The following PALM variants were observed in gnomAD, a reference collection of about 807,000 sequenced individuals.
PALM encodes the protein paralemmin.
A neutral mutation model predicts 30.7 loss-of-function variants in PALM; 18 were observed. The ratio of observed to expected loss-of-function variants is 0.59; its 90% CI spans 0.41 to 0.87. The LOEUF (loss-of-function observed/expected upper bound fraction) is 0.87. Ranked by LOEUF, PALM falls within the 40% of genes least tolerant of loss-of-function variation. The pLI, the probability that PALM is intolerant of heterozygous loss-of-function variation, is 0.00. For synonymous variants in PALM, 286 were observed against 242.8 expected (o/e 1.18, Z -1.66); for missense variants, 529 against 555.4 (o/e 0.95, Z 0.48).
intron 4 of PALM, among the ~76,000 whole-genome samples, chr19:728,388 A>G (rs539573301): frequency 6.6e-6 from 1 of 152,210 alleles, no homozygotes; most frequent in African/African-American, 2.4e-5. Flanking sequence ...CGGACCTCGC[A>G]GGCCCTTCCC....
At chr19:711,234 C>A (rs2032070170) in intron 1 of PALM, 2 of 971,164 alleles carry the variant, frequency 2.1e-6, no homozygotes, top group Non-Finnish European at 2.4e-6. Context: ...TGGGGAGAAT[C>A]TCTGCTTCGG....
At chr19:713,351 AC>A (rs1345857985) in intron 1 of PALM, among the ~76,000 whole-genome samples, 5 of 147,670 alleles carry the variant, frequency 3.4e-5, no homozygotes, top group Admixed American at 3.4e-4. Flanking sequence ...GGGGGTCCTG[AC>A]TCCCCGTCAC....
chr19:746,700 T>C lies in PALM; in HGVS notation c.1050T>C (p.Pro350=). Residue 350 remains proline, a synonymous_variant, in exon 9 of 9, where the codon CCT becomes CCC. Transcript: ENST00000338448. This position sits in a 1 kb window ranked among gnomAD's most constrained non-coding sequence, Gnocchi z 7.1. ...PAPPNGSAAE[P]PTEAASREEN... ...CACCCAACGGCAGTGCTGCCGAGCC[T>C]CCCACGGAGGCCGCCTCCAGGGAAG... 1 of 1,609,044 alleles carries C rather than the reference T, an allele frequency of 6.2e-7. No individual in the cohort carries two copies. The highest frequency in any genetic ancestry group is 8.5e-7 in the Non-Finnish European group (1 of 1,178,426).
intron 8 of PALM, among the ~76,000 whole-genome samples, chr19:741,665 G>A (rs970834621): frequency 1.3e-5 from 2 of 152,016 alleles, no homozygotes; most frequent in African/African-American, 4.8e-5. Flanking sequence ...AGGCGGGGCC[G>A]TGTCCTGAGG....
chr19:726,957 GTC>G, intron 2 of PALM, 49 bp from the exon 3 acceptor site: 2 of 1,109,142 alleles, frequency 1.8e-6, no homozygotes, highest in Admixed American at 2.1e-5. Context: ...GGGTGGGGGG[GTC>G]TCCGGGACCC....
chr19:736,208 T>G, intron 7 of PALM, 130 bp downstream of exon 7: 1 of 657,764 alleles, frequency 1.5e-6, no homozygotes, highest in Non-Finnish European at 2.5e-6. Context: ...GCCGTGGTTA[T>G]GGGGGTGGCA....
chr19:726,500 G>C (rs2032666156), intron 2 of PALM, among the ~76,000 whole-genome samples: 1 of 152,094 alleles, frequency 6.6e-6, no homozygotes, highest in Non-Finnish European at 1.5e-5. Context: ...GATGTGCTTT[G>C]GTGCCATCTT....
chr19:715,802 G>A (rs2032236800), intron 1 of PALM, among the ~76,000 whole-genome samples: 1 of 152,180 alleles, frequency 6.6e-6, no homozygotes, highest in Admixed American at 6.6e-5. Context: ...AGAGCCAGAG[G>A]GGGCAGGACC....
At chr19:736,722 C>G (rs1194270081) in intron 7 of PALM, among the ~76,000 whole-genome samples, 1 of 152,204 alleles carries the variant, frequency 6.6e-6, no homozygotes, top group Non-Finnish European at 1.5e-5. Flanking sequence ...GTGGGCAAAA[C>G]CACTGCTATG....
intron 5 of PALM, 61 bp from the exon 6 acceptor site, chr19:734,112 G>T (rs2032949961): frequency 1.3e-6 from 2 of 1,564,556 alleles, no homozygotes; most frequent in South Asian, 2.2e-5. Context: ...TGACCCCATG[G>T]CTCCCCTTCC....
intron 7 of PALM, 58 bp downstream of exon 7, chr19:736,136 C>A: frequency 1.6e-6 from 1 of 640,304 alleles, no homozygotes; most frequent in Non-Finnish European, 2.7e-6. Flanking sequence ...GACCAAGTCT[C>A]GGTCCGGGGG....
intron 4 of PALM, among the ~76,000 whole-genome samples, chr19:728,433 C>T (rs561884339): frequency 6.6e-6 from 1 of 152,348 alleles, no homozygotes; most frequent in Admixed American, 6.5e-5. Context: ...GGGCCCCTCC[C>T]TGCCCAGTTC....
intron 4 of PALM, among the ~76,000 whole-genome samples, chr19:729,742 G>A (rs1159536214): frequency 6.6e-6 from 1 of 152,030 alleles, no homozygotes; most frequent in Non-Finnish European, 1.5e-5. Context: ...GATTACAGGT[G>A]TGAGCCACTG....
At chr19:740,326 G>A in intron 7 of PALM, 26 bp from the exon 8 acceptor site, 1 of 1,547,676 alleles carries the variant, frequency 6.5e-7, no homozygotes, top group Non-Finnish European at 8.7e-7. Context: ...GCAGGCCGTG[G>A]TGTAACCCCG....
Position 747,017 on chromosome 19 carries a change from C to T in PALM, c.*203C>T, listed in dbSNP as rs1261866000. On this transcript the variant is annotated 3_prime_UTR_variant, in exon 9 of 9. Coordinates refer to ENST00000338448, the MANE Select transcript of PALM (RefSeq NM_002579.3). ...CCACGCCCCAACACTCCCCCCGAAC[C>T]AGAGCCGTGCACTTGTGCCTGGTAG... The T allele has an allele frequency of 8.6e-6, 5 of 582,488 alleles. No homozygotes were observed. The highest frequency in any genetic ancestry group is 1.2e-5 in the Non-Finnish European group (4 of 326,960). 36.1% of individuals were successfully genotyped at this position (582,488 alleles called of 1,614,324 possible).
chr19:746,221 C>T lies in PALM; in HGVS notation c.635-64C>T. 1 of 1,350,206 alleles carries T rather than the reference C, an allele frequency of 7.4e-7. No individual in the cohort carries two copies. The highest frequency in any genetic ancestry group is 1.0e-6 in the Non-Finnish European group (1 of 959,176). The allele number at this position is 1,350,206 out of a possible 1,614,324, so 83.6% of individuals were successfully genotyped here. A position where few individuals can be genotyped will look rare whatever the true frequency, so the allele number is the denominator to read the frequency against. ...GCCAAGGTTTCCCTCCTGCCTGAGC[C>T]AGGTCACTCTCTCTGTCCCTCCTGC... is the stretch of plus-strand genomic sequence containing the variant. On this transcript the variant is annotated intron_variant, in intron 8 of 8. Transcript: ENST00000338448. This position sits in a 1 kb window ranked among gnomAD's most constrained non-coding sequence, Gnocchi z 7.1.
rs1356000364 is a variant in PALM, at chr19:744,422, T to G, written c.635-1863T>G. ...CTCAAAAAAAAAAAAAAATAGAAAG[T>G]GAATAACATCATCTAACTCGTAGGA... On this transcript the variant is annotated intron_variant, in intron 8 of 8. Transcript: ENST00000338448. Among the ~76,000 whole-genome samples the G allele has an allele frequency of 7.7e-5, 11 of 143,542 alleles. No individual in the cohort carries two copies. The South Asian group carries it at 1.8e-3, about 23-fold the overall frequency. 94.2% of individuals were successfully genotyped at this position (143,542 alleles called of 152,430 possible).
chr19:731,359 C>A, intron 5 of PALM, 114 bp downstream of exon 5: 1 of 996,196 alleles, frequency 1.0e-6, no homozygotes, highest in Non-Finnish European at 1.4e-6. Flanking sequence ...CAGACTAGAG[C>A]CAGGCACTTG....
chr19:722,262 C>T (rs2032515523), intron 1 of PALM, among the ~76,000 whole-genome samples: 1 of 152,100 alleles, frequency 6.6e-6, no homozygotes, highest in Non-Finnish European at 1.5e-5. Context: ...GTCACCTAGG[C>T]TGGAGACAGT....
Sources: gnomAD v4.1 joint callset for allele counts (sites outside exome capture counted in the v4.1 genomes callset) on GRCh38, gnomAD v4.1.1 for gene constraint, Gnocchi (gnomAD v3.1) non-coding constraint, MANE v1.5 for transcripts, NCBI Gene and HGNC (gene_info 2026-07-23, HGNC 2026-07-21) for gene names.